SMURF2: variants seen among roughly 807,000 people sequenced by gnomAD.
SMURF2 encodes SMAD specific E3 ubiquitin protein ligase 2.
SMURF2 carries 48 observed loss-of-function variants against 109.6 expected under a neutral mutation model. That is an observed-to-expected ratio of 0.44 (90% CI 0.35 to 0.56). The LOEUF is 0.56. SMURF2 is among the 20% of genes least tolerant of loss of function. The pLI, the probability that SMURF2 is intolerant of heterozygous loss-of-function variation, is 0.01. For missense variants in SMURF2, 575 were observed against 909.0 expected, an observed-to-expected ratio of 0.63 and a Z score of 4.72; for synonymous variants, 288 against 317.1, an observed-to-expected ratio of 0.91 and a Z score of 0.97.
chr17:64,589,511 G>A (rs1598284450), intron 5 of SMURF2, among the ~76,000 whole-genome samples: 2 of 151,816 alleles, frequency 1.3e-5, no homozygotes, highest in African/African-American at 4.8e-5. Flanking sequence ...ATTGGTCCAG[G>A]GTCTGTTAGG....
rs1235235177 is a variant in SMURF2, at chr17:64,547,432, G to A, written c.2071+168C>T. Among the ~76,000 whole-genome samples the A allele has an allele frequency of 2.0e-5, 3 of 152,204 alleles. No individual in the cohort carries two copies. Among genetic ancestry groups the A allele is most frequent in the Non-Finnish European group, 4.4e-5 (3 of 68,032 alleles). On this transcript the variant is annotated intron_variant, in intron 17 of 18. Coordinates refer to ENST00000262435, the MANE Select transcript of SMURF2 (RefSeq NM_022739.4). The surrounding 1 kb of genome is among the most constrained non-coding windows in gnomAD (Gnocchi z 4.2). ...AGCCCGCAGAAAAGGCTCTTGGGAAGGGAACAAAAGAAAGGAGGGAGAAGA... is the reference window on the plus strand; with the variant it reads ...AGCCCGCAGAAAAGGCTCTTGGGAAAGGAACAAAAGAAAGGAGGGAGAAGA...
At chr17:64,624,837 G>C (rs1174359300) in intron 1 of SMURF2, among the ~76,000 whole-genome samples, 1 of 151,876 alleles carries the variant, frequency 6.6e-6, no homozygotes. Context: ...GAGGGAAGGA[G>C]AGGGGAGGGG....
intron 4 of SMURF2, among the ~76,000 whole-genome samples, chr17:64,592,611 A>G (rs563747977): frequency 1.6e-4 from 25 of 152,266 alleles, no homozygotes; most frequent in African/African-American, 6.0e-4. Flanking sequence ...TTTGTTTAGC[A>G]TATGCATCTG....
intron 1 of SMURF2, among the ~76,000 whole-genome samples, chr17:64,658,298 A>C (rs982849470): frequency 1.3e-5 from 2 of 152,186 alleles, no homozygotes; most frequent in African/African-American, 4.8e-5. Flanking sequence ...TGGAGGTTGC[A>C]GTGGGCCGAG....
intron 8 of SMURF2, among the ~76,000 whole-genome samples, chr17:64,579,185 A>T (rs1023469656): frequency 6.6e-6 from 1 of 152,188 alleles, no homozygotes; most frequent in African/African-American, 2.4e-5. Context: ...GGGAGAAAAA[A>T]GTCAAGGACA....
Position 64,559,735 on chromosome 17 carries a change from T to G in SMURF2, c.1316+1765A>C, listed in dbSNP as rs184141102. ...AGCCTGGGCAACACAAGATCCTGTT[T>G]CTACCAAAAAAAAAAAAATTTTTTT... On this transcript the variant is annotated intron_variant, in intron 12 of 18. Coordinates refer to ENST00000262435, the MANE Select transcript of SMURF2 (RefSeq NM_022739.4). Among the ~76,000 whole-genome samples, 12 of 150,692 alleles carry G rather than the reference T, an allele frequency of 8.0e-5. No individual in the cohort carries two copies. In the East Asian group the frequency reaches 2.4e-3, roughly 30 times the overall value.
chr17:64,549,494 G>A (rs1969008792), intron 16 of SMURF2, among the ~76,000 whole-genome samples: 1 of 151,958 alleles, frequency 6.6e-6, no homozygotes, highest in Non-Finnish European at 1.5e-5. Context: ...AGTGGCTCAC[G>A]CCTGTAATCC....
chr17:64,559,467 G>A (rs922774825), intron 12 of SMURF2, among the ~76,000 whole-genome samples: 1 of 151,730 alleles, frequency 6.6e-6, no homozygotes, highest in Non-Finnish European at 1.5e-5. Context: ...GGTTGTATGC[G>A]CCTGTAGTCC....
At chr17:64,552,305 T>G (rs1355279576) in intron 15 of SMURF2, among the ~76,000 whole-genome samples, 4 of 152,236 alleles carry the variant, frequency 2.6e-5, no homozygotes, top group African/African-American at 9.6e-5. Flanking sequence ...AAACTACATC[T>G]ATTGTGTGAA....
At chr17:64,650,551 C>T (rs905430889) in intron 1 of SMURF2, among the ~76,000 whole-genome samples, 1 of 152,138 alleles carries the variant, frequency 6.6e-6, no homozygotes, top group Non-Finnish European at 1.5e-5. Flanking sequence ...CATAAAATGA[C>T]CAGGCACAGT....
At chr17:64,562,285 CAAAAAA>C (rs782461489) in intron 11 of SMURF2, among the ~76,000 whole-genome samples, 28 of 19,006 alleles carry the variant, frequency 1.5e-3, no homozygotes, top group South Asian at 2.4e-3. Flanking sequence ...GACTCCGTCT[CAAAAAA>C]AAAAAAAAAA....
intron 10 of SMURF2, among the ~76,000 whole-genome samples, chr17:64,568,307 A>G (rs1969345283): frequency 6.6e-6 from 1 of 152,154 alleles, no homozygotes; most frequent in South Asian, 2.1e-4. Context: ...ATGGTTTTTA[A>G]GAAGGTTTAC....
rs375915671 is a variant in SMURF2, at chr17:64,634,973, C to CTAA, written c.52+26853_52+26855dup. 1.4e-4 allele frequency among the ~76,000 whole-genome samples: 21 copies of CTAA among 151,858 alleles called. No homozygotes were observed. The South Asian group carries it at 2.3e-3, about 17-fold the overall frequency. Reference sequence around the variant, plus strand: ...TGGCAAAAGCCACAAACATCATAACCTAATAATAATAATAATAATATTTGT... The same window carrying CTAA: ...TGGCAAAAGCCACAAACATCATAACCTAATAATAATAATAATAATAATATTTGT... On this transcript the variant is annotated intron_variant, in intron 1 of 18. Transcript: ENST00000262435.
intron 9 of SMURF2, 121 bp downstream of exon 9, chr17:64,578,367 ACTAT>A: frequency 1.5e-6 from 1 of 646,376 alleles, no homozygotes; most frequent in Non-Finnish European, 2.7e-6. Context: ...AACTGAAGTA[ACTAT>A]CAGAAGAGTC....
intron 1 of SMURF2, among the ~76,000 whole-genome samples, chr17:64,613,673 A>AGTGT (rs61060865): frequency 0.021 from 445 of 20,756 alleles, 52 homozygotes; most frequent in East Asian, 0.025. Flanking sequence ...TCCACGGACC[A>AGTGT]GTGTGTGTGT....
rs9303474 is a variant in SMURF2, at chr17:64,545,191, C to A, written c.*657G>T. ...AGGAATTTGACAACCAAAATTATAT[C>A]GCTGTATTCCAGGAAATCCGTTCTT... is the stretch of plus-strand genomic sequence containing the variant. On this transcript the variant is annotated 3_prime_UTR_variant, in exon 19 of 19. Coordinates refer to ENST00000262435, the MANE Select transcript of SMURF2 (RefSeq NM_022739.4). The A allele has an allele frequency of 0.2, 30,179 of 152,116 alleles. 6,435 individuals are homozygous for A. Among genetic ancestry groups the A allele is most frequent in the African/African-American group, 0.53 (22,062 of 41,320 alleles). The allele number at this position is 152,116 out of a possible 1,614,324, so 9.4% of individuals were successfully genotyped here.
chr17:64,558,973 A>C lies in SMURF2; in HGVS notation c.1317-1251T>G, dbSNP rs372294154. Among the ~76,000 whole-genome samples, 23 of 152,338 alleles carry C rather than the reference A, an allele frequency of 1.5e-4. 1 individual carries two copies. Among genetic ancestry groups the C allele is most frequent in the African/African-American group, 5.5e-4 (23 of 41,574 alleles). On this transcript the variant is annotated intron_variant, in intron 12 of 18. Transcript: ENST00000262435. Reference sequence around the variant, plus strand: ...AAACTAGTTAAAGGAAACTGTTTCAAAATTCTATGTGATGGAGTCTAAATT... The same window carrying C: ...AAACTAGTTAAAGGAAACTGTTTCACAATTCTATGTGATGGAGTCTAAATT...
chr17:64,625,897 C>T (rs1970262090), intron 1 of SMURF2, among the ~76,000 whole-genome samples: 1 of 152,100 alleles, frequency 6.6e-6, no homozygotes, highest in African/African-American at 2.4e-5. Context: ...TTAGACAATA[C>T]ACACACTTTA....
chr17:64,620,513 C>T (rs1319095853), intron 1 of SMURF2, among the ~76,000 whole-genome samples: 1 of 152,194 alleles, frequency 6.6e-6, no homozygotes, highest in Non-Finnish European at 1.5e-5. Context: ...CAGGACTTTT[C>T]TGCCTTTGCC....
Sources: gnomAD v4.1 joint callset for allele counts (sites outside exome capture counted in the v4.1 genomes callset) on GRCh38, gnomAD v4.1.1 for gene constraint, Gnocchi (gnomAD v3.1) non-coding constraint, MANE v1.5 for transcripts, NCBI Gene and HGNC (gene_info 2026-07-23, HGNC 2026-07-21) for gene names.